Variants in KIAA0513 observed in about 807,000 individuals in gnomAD.
KIAA0513 encodes uncharacterized protein KIAA0513.
KIAA0513 carries 39 observed loss-of-function variants against 56.5 expected under a neutral mutation model. The ratio of observed to expected loss-of-function variants is 0.69; its 90% confidence interval spans 0.53 to 0.90. KIAA0513 has a LOEUF of 0.90. KIAA0513 is among the 40% of genes least tolerant of loss of function. KIAA0513 has a pLI of 0.00. For missense variants in KIAA0513, 591 were observed against 535.2 expected (o/e 1.10, Z -1.03); for synonymous variants, 268 against 215.6 (o/e 1.24, Z -2.13).
chr16:85,076,184 A>G lies in KIAA0513; in HGVS notation c.574+270A>G, dbSNP rs1429905541. Among the ~76,000 whole-genome samples, 1 of 152,186 alleles carries G rather than the reference A, an allele frequency of 6.6e-6. No homozygotes were observed. Among genetic ancestry groups the G allele is most frequent in the Non-Finnish European group, 1.5e-5 (1 of 68,026 alleles). The stretch of plus-strand genomic sequence containing the variant: ...AAGGAAACTCCTGAGCTGGTAGGAG[A>G]TGAGAAAAGAAACAAGCTAGGCAGG... On this transcript the variant is annotated intron_variant, in intron 5 of 12. Coordinates refer to ENST00000683363, the MANE Select transcript of KIAA0513 (RefSeq NM_001388359.1). This position sits in a 1 kb window ranked among gnomAD's most constrained non-coding sequence, Gnocchi z 4.7.
intron 10 of KIAA0513, among the ~76,000 whole-genome samples, chr16:85,084,821 C>G (rs757916603): frequency 6.6e-5 from 10 of 152,274 alleles, no homozygotes; most frequent in Non-Finnish European, 1.3e-4. Flanking sequence ...CCTCGGCCTC[C>G]CAAAGTGCTG....
At chr16:85,048,647 G>A (rs761422389) in intron 1 of KIAA0513, among the ~76,000 whole-genome samples, 1 of 152,210 alleles carries the variant, frequency 6.6e-6, no homozygotes, top group Non-Finnish European at 1.5e-5. Context: ...GGGAGGCTGA[G>A]GTGGGAGAGT....
chr16:85,037,634 G>C (rs1254334827), intron 1 of KIAA0513, among the ~76,000 whole-genome samples: 1 of 152,200 alleles, frequency 6.6e-6, no homozygotes, highest in African/African-American at 2.4e-5. Flanking sequence ...ACTCTATTCA[G>C]TGAGAGGCAG....
At chr16:85,082,439 C>T in intron 9 of KIAA0513, 125 bp from the exon 10 acceptor site, 2 of 881,928 alleles carry the variant, frequency 2.3e-6, no homozygotes, top group Non-Finnish European at 3.6e-6. Flanking sequence ...ATATTCCTGT[C>T]TTTCTCTGTC....
chr16:85,077,806 C>G (rs554089697), intron 6 of KIAA0513, among the ~76,000 whole-genome samples, 174 bp downstream of exon 6: 11 of 152,290 alleles, frequency 7.2e-5, no homozygotes, highest in African/African-American at 2.6e-4. Context: ...AGCCAAGCCC[C>G]CCCCACTGAC....
chr16:85,041,260 C>T (rs28458452), intron 1 of KIAA0513, among the ~76,000 whole-genome samples: 9,653 of 152,222 alleles, frequency 0.063, 490 homozygotes, highest in South Asian at 0.16. Context: ...CAAACCACCT[C>T]ACGCCTGTCA....
At chr16:85,046,007 C>T (rs2073165837) in intron 1 of KIAA0513, among the ~76,000 whole-genome samples, 2 of 152,166 alleles carry the variant, frequency 1.3e-5, no homozygotes, top group African/African-American at 2.4e-5. Flanking sequence ...CAGGAAATGT[C>T]GCAGGGGGTG....
rs573868715 is a variant in KIAA0513 at position 85,077,032 on chromosome 16, C to A, written c.575-393C>A. Among the ~76,000 whole-genome samples, 76 of 152,268 alleles carry A rather than the reference C, an allele frequency of 5.0e-4. No individual in the cohort carries two copies. In the South Asian group the frequency reaches 6.6e-3, roughly 13 times the overall value. On this transcript the variant is annotated intron_variant, in intron 5 of 12. Transcript: ENST00000683363. The stretch of plus-strand genomic sequence containing the variant: ...CCAGACTCCTCCTCCAGGCCCCCCC[C>A]CAACCCGGTGTCTCCACACTCCCAT...
At chr16:85,088,081 G>T (rs2073829985) in intron 12 of KIAA0513, among the ~76,000 whole-genome samples, 195 bp from the exon 13 acceptor site, 1 of 152,260 alleles carries the variant, frequency 6.6e-6, no homozygotes, top group Admixed American at 6.5e-5. Context: ...GAGGCTGTGT[G>T]TGCAATGCGC....
intron 1 of KIAA0513, among the ~76,000 whole-genome samples, chr16:85,049,139 C>T (rs760188264): frequency 6.6e-6 from 1 of 152,246 alleles, no homozygotes; most frequent in Non-Finnish European, 1.5e-5. Context: ...CTCCAGATTG[C>T]AGAGCGCCTT....
intron 1 of KIAA0513, among the ~76,000 whole-genome samples, chr16:85,059,734 G>A (rs987171035): frequency 2.0e-5 from 3 of 152,210 alleles, no homozygotes; most frequent in Admixed American, 1.3e-4. Flanking sequence ...TCTCCTCTGA[G>A]CTGTCTCATG....
rs759199789 is a variant in KIAA0513 at position 85,077,529 on chromosome 16, G to A, written c.679G>A (p.Ala227Thr). The A allele has an allele frequency of 5.6e-6, 9 of 1,614,060 alleles. No individual in the cohort carries two copies. Among genetic ancestry groups the A allele is most frequent in the Non-Finnish European group, 7.6e-6 (9 of 1,180,048 alleles). The stretch of plus-strand genomic sequence containing the variant: ...CTGGCTGGCCGAAAAGAAGGACATC[G>A]CCGAGCGGCTGCTGAAGAACACCTC... ...NSWLAEKKDIAERLLKNTSAR... is the reference protein window; with the variant it reads ...NSWLAEKKDITERLLKNTSAR... Residue 227 changes from alanine to threonine, a missense_variant, in exon 6 of 13, where the codon GCC (alanine) becomes ACC (threonine). By Grantham distance (58) the Ala-to-Thr change is moderately conservative. Transcript: ENST00000683363.
Position 85,044,320 on chromosome 16 carries a change from CCT to C in KIAA0513, c.-173+16463_-173+16464del, listed in dbSNP as rs374178651. Among the ~76,000 whole-genome samples, 525 of 152,116 alleles carry C rather than the reference CCT, an allele frequency of 3.5e-3. 2 individuals are homozygous for C. Among genetic ancestry groups the C allele is most frequent in the African/African-American group, 0.012 (500 of 41,482 alleles). On this transcript the variant is annotated intron_variant, in intron 1 of 12. Coordinates refer to ENST00000683363, the MANE Select transcript of KIAA0513 (RefSeq NM_001388359.1). ...CCCCAGGAAGGCATGTCGAGTGTCC[CCT>C]GTGTCATCTAGGGCAGGTCACAGCA...
chr16:85,087,042 C>A, intron 11 of KIAA0513, 30 bp from the exon 12 acceptor site: 1 of 1,603,134 alleles, frequency 6.2e-7, no homozygotes, highest in Non-Finnish European at 8.5e-7. Context: ...GGGAGGCCAG[C>A]GGGTGACGCT....
At chr16:85,059,590 C>T (rs754898490) in intron 1 of KIAA0513, among the ~76,000 whole-genome samples, 6 of 152,244 alleles carry the variant, frequency 3.9e-5, no homozygotes, top group African/African-American at 9.6e-5. Flanking sequence ...TCCAGCCCCA[C>T]GTTTCTCATC....
chr16:85,043,373 G>A (rs1041548635), intron 1 of KIAA0513, among the ~76,000 whole-genome samples: 5 of 151,270 alleles, frequency 3.3e-5, no homozygotes, highest in African/African-American at 1.2e-4. Context: ...GCATGAGATG[G>A]CAGGGTTTGG....
At position 85,078,367 on chromosome 16, in the gene KIAA0513, A is replaced by T. The variant is rs749045162; in HGVS notation, c.783-48A>T. ...TAGAACAGCGTCTTTGAGTTGAGAA[A>T]GTGTGGTGTGAGTCGCGTGTGTCAT... On this transcript the variant is annotated intron_variant, in intron 6 of 12. Transcript: ENST00000683363. 1.4e-5 allele frequency: 22 copies of T among 1,607,406 alleles called. No homozygotes were observed. In the East Asian group the frequency reaches 4.7e-4, roughly 34 times the overall value.
chr16:85,075,403 C>G (rs1450930851), intron 4 of KIAA0513, among the ~76,000 whole-genome samples: 1 of 152,166 alleles, frequency 6.6e-6, no homozygotes, highest in East Asian at 1.9e-4. Flanking sequence ...TCCTGACACC[C>G]CACTGCGAAT....
At chr16:85,044,510 A>ATT (rs746418986) in intron 1 of KIAA0513, among the ~76,000 whole-genome samples, 19 of 136,982 alleles carry the variant, frequency 1.4e-4, no homozygotes, top group African/African-American at 4.2e-4. Context: ...TTTTATTTTT[A>ATT]TTTTTTTTTT....
Sources: gnomAD v4.1 joint callset for allele counts (sites outside exome capture counted in the v4.1 genomes callset) on GRCh38, gnomAD v4.1.1 for gene constraint, Gnocchi (gnomAD v3.1) non-coding constraint, MANE v1.5 for transcripts, NCBI Gene and HGNC (gene_info 2026-07-23, HGNC 2026-07-21) for gene names.